The following KIF26B variants were observed in gnomAD, a reference collection of about 807,000 sequenced individuals.
KIF26B encodes the protein kinesin family member 26B, also known as kinesin-like protein KIF26B.
A neutral mutation model predicts 151.2 loss-of-function variants in KIF26B; 63 were observed. The ratio of observed to expected loss-of-function variants is 0.42; its 90% confidence interval spans 0.34 to 0.51. The LOEUF is 0.51. KIF26B is among the 20% of genes least tolerant of loss of function. The pLI is 0.07. For missense variants in KIF26B, 2,813 were observed against 2,913.6 expected (o/e 0.97, Z 0.79); for synonymous variants, 1,357 against 1,262.1 (o/e 1.08, Z -1.59).
intron 3 of KIF26B, among the ~76,000 whole-genome samples, chr1:245,410,455 C>G (rs1379048523): frequency 6.6e-6 from 1 of 152,080 alleles, no homozygotes; most frequent in Non-Finnish European, 1.5e-5. Context: ...CTCTCTCTCT[C>G]TCTTATTTTT....
chr1:245,341,303 GT>G (rs34249209), intron 2 of KIF26B, among the ~76,000 whole-genome samples: 8 of 82,592 alleles, frequency 9.7e-5, no homozygotes, highest in Non-Finnish European at 1.8e-4. Context: ...AAAAGATGCA[GT>G]TTTTTTTTTT....
At chr1:245,240,489 A>G (rs1188545907) in intron 2 of KIF26B, among the ~76,000 whole-genome samples, 3 of 152,210 alleles carry the variant, frequency 2.0e-5, no homozygotes, top group Non-Finnish European at 4.4e-5. Flanking sequence ...GAAGCTGCAT[A>G]TACACATACA....
chr1:245,262,120 T>G (rs1670655889), intron 2 of KIF26B, among the ~76,000 whole-genome samples: 1 of 152,214 alleles, frequency 6.6e-6, no homozygotes, highest in South Asian at 2.1e-4. Flanking sequence ...GTCTTTGTGT[T>G]TGTCTTTGGA....
intron 9 of KIF26B, among the ~76,000 whole-genome samples, chr1:245,617,902 C>T (rs1347865162): frequency 2.0e-5 from 3 of 152,052 alleles, no homozygotes; most frequent in Non-Finnish European, 2.9e-5. Context: ...CTCAGTTTCC[C>T]CCCTGCTCCT....
chr1:245,287,492 C>CTTTTTTTT (rs1217976453), intron 2 of KIF26B, among the ~76,000 whole-genome samples: 2 of 136,550 alleles, frequency 1.5e-5, no homozygotes, highest in Non-Finnish European at 1.6e-5. Flanking sequence ...TCTCATCTCT[C>CTTTTTTTT]TCTCTCTTTT....
At chr1:245,221,331 C>G (rs1481949666) in intron 2 of KIF26B, among the ~76,000 whole-genome samples, 1 of 145,268 alleles carries the variant, frequency 6.9e-6, no homozygotes, top group Non-Finnish European at 1.5e-5. Flanking sequence ...TTCTAACAAG[C>G]GTGGTGGCCC....
chr1:245,564,165 C>G lies in KIF26B; in HGVS notation c.1350+23215C>G, dbSNP rs1378363080. 6.6e-6 allele frequency among the ~76,000 whole-genome samples: 1 copy of G among 152,088 alleles called. No homozygotes were observed. ...TGCAGCCACACTGAAGCCTCAATGT[C>G]CCCTAAACATTCCAGACCCTCTTGT... On this transcript the variant is annotated intron_variant, in intron 5 of 14. Coordinates refer to ENST00000407071, the MANE Select transcript of KIF26B (RefSeq NM_018012.4). This position sits in a 1 kb window ranked among gnomAD's most constrained non-coding sequence, Gnocchi z 4.6.
intron 14 of KIF26B, among the ~76,000 whole-genome samples, chr1:245,701,810 C>T (rs1320242426): frequency 6.6e-6 from 1 of 152,122 alleles, no homozygotes; most frequent in African/African-American, 2.4e-5. Flanking sequence ...GACTGCTGTC[C>T]ACGCCTCTCC....
At chr1:245,260,104 T>G (rs1039410535) in intron 2 of KIF26B, among the ~76,000 whole-genome samples, 6 of 152,074 alleles carry the variant, frequency 3.9e-5, no homozygotes, top group African/African-American at 1.4e-4. Context: ...GAGAGCCTGA[T>G]GAGCCAGGCA....
chr1:245,176,831 T>A (rs111536287), intron 2 of KIF26B, among the ~76,000 whole-genome samples: 14,130 of 152,310 alleles, frequency 0.093, 833 homozygotes, highest in African/African-American at 0.17. Flanking sequence ...GAAGCATTTA[T>A]CAGCCTCTGG....
chr1:245,490,786 T>C (rs1216774044), intron 4 of KIF26B, among the ~76,000 whole-genome samples: 1 of 152,224 alleles, frequency 6.6e-6, no homozygotes, highest in Non-Finnish European at 1.5e-5. Flanking sequence ...TAGAAAATGA[T>C]ATGTATGTTG....
In KIF26B at chr1:245,686,013, C is replaced by T. The variant is rs774800872; in HGVS notation, c.3030C>T (p.Ala1010=). 4.5e-5 allele frequency: 72 copies of T among 1,590,938 alleles called. No individual in the cohort carries two copies. The East Asian group carries it at 1.1e-3, about 23-fold the overall frequency. ...KMQRSHSPVP[A]AAPAHSPSPA... Reference sequence around the variant, plus strand: ...AGAGGAGTCACTCACCTGTGCCCGCCGCGGCACCCGCCCACAGCCCCAGCC... The same window carrying T: ...AGAGGAGTCACTCACCTGTGCCCGCTGCGGCACCCGCCCACAGCCCCAGCC... Residue 1010 remains alanine, a synonymous_variant, in exon 12 of 15, where the codon GCC becomes GCT. Coordinates refer to ENST00000407071, the MANE Select transcript of KIF26B (RefSeq NM_018012.4). The surrounding 1 kb of genome is among the most constrained non-coding windows in gnomAD (Gnocchi z 5.6).
intron 4 of KIF26B, among the ~76,000 whole-genome samples, chr1:245,427,309 CT>C (rs1336441526): frequency 6.6e-6 from 1 of 152,132 alleles, no homozygotes; most frequent in Admixed American, 6.6e-5. Context: ...AGAATGATGC[CT>C]TTACAAAAAC....
chr1:245,686,210 C>T lies in KIF26B; in HGVS notation c.3227C>T (p.Thr1076Ile), dbSNP rs760544908. Residue 1076 changes from threonine (T) to isoleucine (I), a missense_variant, in exon 12 of 15, where the codon ACC becomes ATC. Thr to Ile is a moderately conservative substitution (Grantham distance 89). This residue lies in a region of KIF26B where 2,060 missense variants were observed against 2,088.6 expected (regional missense o/e 0.99). Transcript: ENST00000407071. This position sits in a 1 kb window ranked among gnomAD's most constrained non-coding sequence, Gnocchi z 5.6. ...CTGGGCATCGCCAGCCTGTCCAAGA[C>T]CTCGGAGTACAAGCCACCCAGCTCT... ...PRLGIASLSK[T>I]SEYKPPSSPS... is the part of the protein sequence containing the mutation. 1 of 1,612,710 alleles carries T rather than the reference C, an allele frequency of 6.2e-7. No individual in the cohort carries two copies. Among genetic ancestry groups the T allele is most frequent in the South Asian group, 1.1e-5 (1 of 91,084 alleles).
At position 245,698,070 on chromosome 1, in the gene KIF26B, GA is replaced by G; in HGVS notation, c.5825-33del. The G allele has an allele frequency of 6.4e-7, 1 of 1,567,290 alleles. No homozygotes were observed. Among genetic ancestry groups the G allele is most frequent in the Non-Finnish European group, 8.7e-7 (1 of 1,155,734 alleles). On this transcript the variant is annotated intron_variant, in intron 12 of 14. Coordinates refer to ENST00000407071, the MANE Select transcript of KIF26B (RefSeq NM_018012.4). The surrounding 1 kb of genome is among the most constrained non-coding windows in gnomAD (Gnocchi z 4.0). ...AAAACAACAAAAAAATTGAAATTCA[GA>G]AAGACTAACTCTCTGGGCTTATCCC...
chr1:245,515,153 T>G (rs34853581), intron 4 of KIF26B, among the ~76,000 whole-genome samples: 37,331 of 151,886 alleles, frequency 0.25, 5,576 homozygotes, highest in East Asian at 0.49. Context: ...CAGCCCTAGA[T>G]GGGTTACTCC....
chr1:245,464,605 CGTGTGG>C, intron 4 of KIF26B, among the ~76,000 whole-genome samples: 1 of 92,406 alleles, frequency 1.1e-5, no homozygotes, highest in Non-Finnish European at 2.2e-5. Flanking sequence ...GTGTGCTGTG[CGTGTGG>C]GTGTGTGGGT....
intron 5 of KIF26B, among the ~76,000 whole-genome samples, chr1:245,550,538 T>C (rs954473713): frequency 6.6e-6 from 1 of 152,226 alleles, no homozygotes; most frequent in Admixed American, 6.5e-5. Context: ...CCTTTCTGTA[T>C]GTACCCTGAA....
At chr1:245,164,653 G>A (rs1668586063) in intron 2 of KIF26B, among the ~76,000 whole-genome samples, 1 of 152,242 alleles carries the variant, frequency 6.6e-6, no homozygotes, top group African/African-American at 2.4e-5. Flanking sequence ...GTGCGTGACA[G>A]GCTGGAAAGG....
Sources: gnomAD v4.1 joint callset for allele counts (sites outside exome capture counted in the v4.1 genomes callset) on GRCh38, gnomAD v4.1.1 for gene constraint, gnomAD v4.1.1 regional missense constraint, Gnocchi (gnomAD v3.1) non-coding constraint, MANE v1.5 for transcripts, NCBI Gene and HGNC (gene_info 2026-07-23, HGNC 2026-07-21) for gene names.